The following POU2F1 variants were observed in gnomAD, a reference collection of about 807,000 sequenced individuals.
The protein encoded by POU2F1 is POU class 2 homeobox 1, also known as POU domain, class 2, transcription factor 1.
POU2F1 carries 16 observed loss-of-function variants against 84.9 expected under a neutral mutation model. That is an observed-to-expected ratio of 0.19 (90% confidence interval 0.13 to 0.29). The LOEUF (loss-of-function observed/expected upper bound fraction) is 0.29. Ranked by LOEUF, POU2F1 falls within the 10% of genes least tolerant of loss-of-function variation. The probability of loss-of-function intolerance (pLI) is 1.00; values close to 1 mark genes in which losing one functional copy is unlikely to be tolerated. For missense variants in POU2F1, 738 were observed against 942.6 expected (o/e 0.78, Z 2.84); for synonymous variants, 368 against 368.3 (o/e 1.00, Z 0.01).
Position 167,374,215 on chromosome 1 carries a change from T to C in POU2F1, c.510T>C (p.Ser170=). Reference sequence around the variant, plus strand: ...AGCACTCCGCCAGCCAGCAGCACAGTGCTGCTGGAGCCACCATCTCCGCCT... The same window carrying C: ...AGCACTCCGCCAGCCAGCAGCACAGCGCTGCTGGAGCCACCATCTCCGCCT... ...VQQHSASQQH[S]AAGATISASA... is the part of the protein sequence containing the mutation. The change falls in exon 6 of 16, where the codon AGT becomes AGC. Residue 170 remains serine (S), a synonymous_variant. Transcript: ENST00000367866. The C allele has an allele frequency of 2.5e-6, 4 of 1,613,740 alleles. No individual in the cohort carries two copies. Among genetic ancestry groups the C allele is most frequent in the Non-Finnish European group, 3.4e-6 (4 of 1,179,880 alleles).
At chr1:167,346,371 T>C (rs1244373897) in intron 2 of POU2F1, among the ~76,000 whole-genome samples, 2 of 152,176 alleles carry the variant, frequency 1.3e-5, no homozygotes, top group Non-Finnish European at 2.9e-5. Flanking sequence ...GTAAAGGATA[T>C]ACAATCCAAT....
chr1:167,250,754 C>A (rs1650667951), intron 1 of POU2F1, among the ~76,000 whole-genome samples: 1 of 152,172 alleles, frequency 6.6e-6, no homozygotes, highest in African/African-American at 2.4e-5. Flanking sequence ...AAGGGCCCAG[C>A]ATATCCTAAA....
At position 167,374,311 on chromosome 1, in the gene POU2F1, C is replaced by T; in HGVS notation, c.591+15C>T. 6.5e-7 allele frequency: 1 copy of T among 1,548,678 alleles called. No individual in the cohort carries two copies. Among genetic ancestry groups the T allele is most frequent in the South Asian group, 1.2e-5 (1 of 83,246 alleles). On this transcript the variant is annotated intron_variant, in intron 6 of 15. Transcript: ENST00000367866. ...AGATCGCACAGGTGAGTGAGGAACT[C>T]CAATAGCTGGGGCAGCAAGTGAGGA...
intron 1 of POU2F1, among the ~76,000 whole-genome samples, chr1:167,222,157 C>T (rs1177354508): frequency 6.6e-6 from 1 of 152,150 alleles, no homozygotes; most frequent in African/African-American, 2.4e-5. Context: ...CCCTCCTGCC[C>T]CAGAATGGGC....
At chr1:167,289,688 A>G (rs1653781594) in intron 1 of POU2F1, among the ~76,000 whole-genome samples, 2 of 152,224 alleles carry the variant, frequency 1.3e-5, no homozygotes, top group South Asian at 4.1e-4. Context: ...CCAGATTGCC[A>G]TAACTTAAAA....
At chr1:167,250,636 G>A (rs930061943) in intron 1 of POU2F1, among the ~76,000 whole-genome samples, 1 of 152,090 alleles carries the variant, frequency 6.6e-6, no homozygotes, top group Admixed American at 6.5e-5. Context: ...TTAAACTTTG[G>A]CATAGCCAAA....
chr1:167,355,172 CT>C lies in POU2F1; in HGVS notation c.128-10282del, dbSNP rs773260599. Among the ~76,000 whole-genome samples the C allele has an allele frequency of 5.8e-3, 774 of 133,642 alleles. 4 individuals carry two copies. Among genetic ancestry groups the C allele is most frequent in the Admixed American group, 9.5e-3 (128 of 13,488 alleles). The allele number at this position is 133,642 out of a possible 152,430, so 87.7% of individuals were successfully genotyped here. On this transcript the variant is annotated intron_variant, in intron 2 of 15. Transcript: ENST00000367866. Reference sequence around the variant, plus strand: ...CCTTCTGAAATTTTCATTTTTCTTTCTTTTTTTTTTTTTAGTATAGTGTAAT... The same window carrying C: ...CCTTCTGAAATTTTCATTTTTCTTTCTTTTTTTTTTTTAGTATAGTGTAAT...
chr1:167,257,857 C>T lies in POU2F1; in HGVS notation c.61+36899C>T, dbSNP rs572436271. 5 of 151,708 alleles carry T rather than the reference C, an allele frequency of 3.3e-5. No homozygotes were observed. In the South Asian group the frequency reaches 1.0e-3, roughly 32 times the overall value. 9.4% of individuals were successfully genotyped at this position (151,708 alleles called of 1,614,324 possible). A position where few individuals can be genotyped will look rare whatever the true frequency, so the allele number is the denominator to read the frequency against. On this transcript the variant is annotated intron_variant, in intron 1 of 15. Transcript: ENST00000367866. The stretch of plus-strand genomic sequence containing the variant: ...TGGTGTAATTATGGCTCAGTTCACC[C>T]TCAACCTCCTGAGGTCAAGTGATTC...
intron 1 of POU2F1, among the ~76,000 whole-genome samples, chr1:167,259,254 C>G (rs984018693): frequency 2.6e-5 from 4 of 152,130 alleles, no homozygotes; most frequent in African/African-American, 9.7e-5. Flanking sequence ...AGGCTAGTAA[C>G]ATCATTTTTA....
intron 8 of POU2F1, chr1:167,387,055 G>A (rs1257430530): frequency 7.3e-6 from 3 of 409,150 alleles, no homozygotes; most frequent in African/African-American, 6.2e-5. Context: ...CAAGAGTGAG[G>A]TTGGGATTTT....
chr1:167,367,289 C>T (rs1369547949), intron 3 of POU2F1, among the ~76,000 whole-genome samples: 3 of 152,154 alleles, frequency 2.0e-5, no homozygotes, highest in Non-Finnish European at 2.9e-5. Context: ...AAATCGATGG[C>T]TTTAGGTCTG....
intron 1 of POU2F1, among the ~76,000 whole-genome samples, chr1:167,255,045 T>C (rs752044065): frequency 6.6e-5 from 10 of 152,170 alleles, no homozygotes; most frequent in Admixed American, 1.3e-4. Flanking sequence ...TCTAGGAGAT[T>C]CTTGTTTGGT....
At chr1:167,410,914 A>C (rs927715210) in intron 13 of POU2F1, among the ~76,000 whole-genome samples, 4 of 152,222 alleles carry the variant, frequency 2.6e-5, no homozygotes, top group Non-Finnish European at 5.9e-5. Flanking sequence ...AAATAATCCC[A>C]GCAAATGTGT....
rs76607750 is a variant in POU2F1, at chr1:167,334,641, C to G, written c.127+2106C>G. Among the ~76,000 whole-genome samples, 1,114 of 152,172 alleles carry G rather than the reference C, an allele frequency of 7.3e-3. 17 individuals are homozygous for G. The highest frequency in any genetic ancestry group is 0.025 in the African/African-American group (1,050 of 41,486). ...TGTAACCGTCTTGTGAATTTCTTGC[C>G]TCGTTTTAATATAGAATGTGTGGCA... On this transcript the variant is annotated intron_variant, in intron 2 of 15. Coordinates refer to ENST00000367866, the MANE Select transcript of POU2F1 (RefSeq NM_002697.4).
chr1:167,286,069 C>T (rs910236291), intron 1 of POU2F1, among the ~76,000 whole-genome samples: 1 of 151,980 alleles, frequency 6.6e-6, no homozygotes, highest in Non-Finnish European at 1.5e-5. Flanking sequence ...TAATAGAGAT[C>T]CTGGATATAT....
chr1:167,230,247 C>G (rs538848547), intron 1 of POU2F1, among the ~76,000 whole-genome samples: 1 of 152,212 alleles, frequency 6.6e-6, no homozygotes, highest in Non-Finnish European at 1.5e-5. Flanking sequence ...CACACTTTTT[C>G]CTCCATTGGA....
At chr1:167,242,042 G>A (rs1235381283) in intron 1 of POU2F1, among the ~76,000 whole-genome samples, 1 of 152,186 alleles carries the variant, frequency 6.6e-6, no homozygotes, top group Non-Finnish European at 1.5e-5. Flanking sequence ...TGGTAGAAAT[G>A]CTTTGTTATT....
intron 1 of POU2F1, among the ~76,000 whole-genome samples, chr1:167,298,982 G>A (rs1018397985): frequency 3.9e-5 from 6 of 151,982 alleles, no homozygotes; most frequent in African/African-American, 1.2e-4. Context: ...TGACCAACAT[G>A]AGCAAACTCC....
At chr1:167,372,891 C>T (rs1331987110) in intron 5 of POU2F1, among the ~76,000 whole-genome samples, 1 of 151,846 alleles carries the variant, frequency 6.6e-6, no homozygotes, top group Non-Finnish European at 1.5e-5. Context: ...ATTCAATTCA[C>T]ATCACATTAA....
Sources: gnomAD v4.1 joint callset for allele counts (sites outside exome capture counted in the v4.1 genomes callset) on GRCh38, gnomAD v4.1.1 for gene constraint, MANE v1.5 for transcripts, NCBI Gene and HGNC (gene_info 2026-07-23, HGNC 2026-07-21) for gene names.